The following NCAM2 variants were observed in gnomAD, a reference collection of about 807,000 sequenced individuals.
NCAM2 encodes the protein N-CAM-2.
NCAM2 carries 30 observed loss-of-function variants against 98.1 expected under a neutral mutation model. The ratio of observed to expected loss-of-function variants is 0.31; its 90% CI spans 0.23 to 0.41. NCAM2 has a LOEUF of 0.41. Among genes scored for constraint, NCAM2 ranks in the 10% least tolerant of loss-of-function variants. The pLI is 1.00. For missense variants in NCAM2, 867 were observed against 1,005.8 expected, an observed-to-expected ratio of 0.86 and a Z score of 1.87; for synonymous variants, 368 against 342.4, an observed-to-expected ratio of 1.07 and a Z score of -0.83.
In NCAM2 at chr21:21,222,682, A is replaced by G. The variant is rs568784667; in HGVS notation, c.56-57896A>G. Among the ~76,000 whole-genome samples the G allele has an allele frequency of 1.5e-4, 23 of 152,262 alleles. No homozygotes were observed. The South Asian group carries it at 4.8e-3, about 32-fold the overall frequency. ...GGATTTCCTTCCTATGGATGAGCAA[A>G]GGAAGTGGTTTCTAGATGGAGTCTA... On this transcript the variant is annotated intron_variant, in intron 1 of 17. Coordinates refer to ENST00000400546, the MANE Select transcript of NCAM2 (RefSeq NM_004540.5).
chr21:21,259,051 T>TGAC (rs2071784894), intron 1 of NCAM2, among the ~76,000 whole-genome samples: 1 of 152,080 alleles, frequency 6.6e-6, no homozygotes, highest in African/African-American at 2.4e-5. Flanking sequence ...GAAGCAGTGG[T>TGAC]TCTCCCCCTG....
chr21:21,300,628 A>T (rs2073678166), intron 5 of NCAM2, among the ~76,000 whole-genome samples: 1 of 152,092 alleles, frequency 6.6e-6, no homozygotes, highest in African/African-American at 2.4e-5. Context: ...TCCTTCAAGG[A>T]AAAAGGTGAT....
chr21:21,307,535 C>T (rs150602288), intron 5 of NCAM2, among the ~76,000 whole-genome samples: 28 of 152,232 alleles, frequency 1.8e-4, no homozygotes, highest in African/African-American at 6.7e-4. Context: ...TATAAGATCA[C>T]GATCCAGGGG....
chr21:21,278,457 T>G (rs2072810792), intron 1 of NCAM2, among the ~76,000 whole-genome samples: 1 of 152,140 alleles, frequency 6.6e-6, no homozygotes, highest in African/African-American at 2.4e-5. Context: ...GCATTAATGG[T>G]TTATCTACAA....
At chr21:21,098,443 T>C (rs557706578) in intron 1 of NCAM2, among the ~76,000 whole-genome samples, 229 of 151,940 alleles carry the variant, frequency 1.5e-3, no homozygotes, top group African/African-American at 5.2e-3. Flanking sequence ...TTATTATTCT[T>C]ACTGAAACCT....
intron 6 of NCAM2, 113 bp downstream of exon 6, chr21:21,324,613 TA>T (rs994635002): frequency 9.2e-4 from 688 of 749,478 alleles, no homozygotes; most frequent in South Asian, 1.7e-3. Context: ...TTAGTTTCAT[TA>T]AAAAAAAATC....
At chr21:21,523,090 T>A (rs1484967400) in intron 16 of NCAM2, among the ~76,000 whole-genome samples, 1 of 152,240 alleles carries the variant, frequency 6.6e-6, no homozygotes, top group South Asian at 2.1e-4. Flanking sequence ...GGTTATTAAT[T>A]CCTTGTTAAT....
chr21:21,500,790 C>T (rs1052628242), intron 15 of NCAM2, among the ~76,000 whole-genome samples: 2 of 151,966 alleles, frequency 1.3e-5, no homozygotes, highest in South Asian at 2.1e-4. Context: ...GTAAGGTCTT[C>T]CCTGTAGAAG....
chr21:21,207,553 G>T (rs969800226), intron 1 of NCAM2, among the ~76,000 whole-genome samples: 2 of 250 alleles, frequency 8.0e-3, no homozygotes, highest in African/African-American at 0.023. Context: ...TTCCCACAGA[G>T]AATTAATAAG....
At chr21:21,455,700 C>G (rs576574313) in intron 12 of NCAM2, among the ~76,000 whole-genome samples, 1 of 151,756 alleles carries the variant, frequency 6.6e-6, no homozygotes, top group Non-Finnish European at 1.5e-5. Flanking sequence ...ATGTGAAAAT[C>G]TCGGCAAACC....
chr21:21,038,079 A>G (rs1390066081), intron 1 of NCAM2, among the ~76,000 whole-genome samples: 1 of 152,134 alleles, frequency 6.6e-6, no homozygotes. Flanking sequence ...TCTAGCCATA[A>G]CCCATGGTTT....
At chr21:21,310,479 A>G (rs1351574115) in intron 5 of NCAM2, among the ~76,000 whole-genome samples, 1 of 152,164 alleles carries the variant, frequency 6.6e-6, no homozygotes, top group Non-Finnish European at 1.5e-5. Flanking sequence ...AAGTAGAAAC[A>G]GGCATTCCTT....
rs996554660 is a variant in NCAM2, at chr21:21,179,506, A to G, written c.56-101072A>G. 4.6e-5 allele frequency among the ~76,000 whole-genome samples: 7 copies of G among 152,166 alleles called. No homozygotes were observed. In the East Asian group the frequency reaches 7.7e-4, roughly 17 times the overall value. On this transcript the variant is annotated intron_variant, in intron 1 of 17. Coordinates refer to ENST00000400546, the MANE Select transcript of NCAM2 (RefSeq NM_004540.5). ...AGAAATTCCAGTCAATTCTAAAGTG[A>G]CATTCTCCCCACATGCTATTGGTGT... is the stretch of plus-strand genomic sequence containing the variant.
At chr21:21,212,061 T>C (rs1345417436) in intron 1 of NCAM2, among the ~76,000 whole-genome samples, 1 of 152,220 alleles carries the variant, frequency 6.6e-6, no homozygotes, top group Non-Finnish European at 1.5e-5. Flanking sequence ...CTTGGGCATG[T>C]ATTCTAGAGA....
intron 1 of NCAM2, among the ~76,000 whole-genome samples, chr21:21,020,595 C>G (rs532383682): frequency 6.6e-6 from 1 of 152,188 alleles, no homozygotes; most frequent in East Asian, 1.9e-4. Context: ...GGCTCCACCT[C>G]AGCTCCCACT....
chr21:21,328,236 G>T (rs1389977009), intron 6 of NCAM2, among the ~76,000 whole-genome samples: 1 of 152,062 alleles, frequency 6.6e-6, no homozygotes, highest in African/African-American at 2.4e-5. Flanking sequence ...AGTTACACTA[G>T]TGTAAACAAA....
chr21:21,095,422 C>G (rs2066100329), intron 1 of NCAM2, among the ~76,000 whole-genome samples: 1 of 151,404 alleles, frequency 6.6e-6, no homozygotes, highest in Admixed American at 6.6e-5. Context: ...GATCTGTCAT[C>G]TTTCTGTCTA....
chr21:21,394,609 C>T (rs1253485589), intron 9 of NCAM2, among the ~76,000 whole-genome samples: 1 of 150,584 alleles, frequency 6.6e-6, no homozygotes, highest in African/African-American at 2.4e-5. Context: ...CTGCCTCAGC[C>T]TCCAGAGTAG....
At chr21:21,248,146 A>G (rs2071346661) in intron 1 of NCAM2, among the ~76,000 whole-genome samples, 5 of 152,190 alleles carry the variant, frequency 3.3e-5, no homozygotes, top group African/African-American at 2.4e-5. Context: ...TGAATTGACA[A>G]AAAAGTATTA....
Sources: gnomAD v4.1 joint callset for allele counts (sites outside exome capture counted in the v4.1 genomes callset) on GRCh38, gnomAD v4.1.1 for gene constraint, MANE v1.5 for transcripts, NCBI Gene and HGNC (gene_info 2026-07-23, HGNC 2026-07-21) for gene names.